PTPRT: variants seen among roughly 807,000 people sequenced by gnomAD.
PTPRT encodes the protein protein tyrosine phosphatase receptor type T.
PTPRT carries 56 observed loss-of-function variants against 176.8 expected under a neutral mutation model. That is an observed-to-expected ratio of 0.32 (90% CI 0.26 to 0.40). The LOEUF is 0.40. Ranked by LOEUF, PTPRT falls within the 10% of genes least tolerant of loss-of-function variation. The pLI is 1.00. For missense variants in PTPRT, 1,540 were observed against 1,908.2 expected (o/e 0.81, Z 3.60); for synonymous variants, 783 against 739.0 (o/e 1.06, Z -0.96).
At chr20:42,459,257 G>A (rs773615924) in intron 8 of PTPRT, among the ~76,000 whole-genome samples, 1 of 152,198 alleles carries the variant, frequency 6.6e-6, no homozygotes, top group South Asian at 2.1e-4. Context: ...TGAGGCACAA[G>A]TAGCAAGAGA....
the PTPRT span, among the ~76,000 whole-genome samples, chr20:42,048,663 C>A: frequency 1.3e-5 from 2 of 152,096 alleles, no homozygotes; most frequent in Non-Finnish European, 2.9e-5. Flanking sequence ...TGATTTTGGC[C>A]CCTAGCCATT....
intron 7 of PTPRT, among the ~76,000 whole-genome samples, chr20:42,539,387 C>T (rs1272676340): frequency 4.3e-5 from 6 of 139,364 alleles, no homozygotes; most frequent in Non-Finnish European, 6.1e-5. Context: ...TTGTGGTAAT[C>T]GCAGGGTTGG....
At chr20:42,342,517 A>G (rs1200142923) in intron 11 of PTPRT, among the ~76,000 whole-genome samples, 1 of 152,242 alleles carries the variant, frequency 6.6e-6, no homozygotes, top group Admixed American at 6.5e-5. Context: ...AACTAAGTGA[A>G]TAAATGAGGT....
chr20:42,239,425 T>C (rs1302503149), intron 14 of PTPRT, among the ~76,000 whole-genome samples: 1 of 136,202 alleles, frequency 7.3e-6, no homozygotes, highest in African/African-American at 2.7e-5. Context: ...TTTTTTTTTT[T>C]TTTTTTTTTT....
rs77005039 is a variant in PTPRT, at chr20:42,775,379, C to T, written c.569-3829G>A. ...CAGATGCTCTGTGGGCTCGGGGACA[C>T]GGCCCCACAAGATTGTGAGGGAGAA... On this transcript the variant is annotated intron_variant, in intron 4 of 30. Coordinates refer to ENST00000373187, the MANE Select transcript of PTPRT (RefSeq NM_007050.6). Among the ~76,000 whole-genome samples, 371 of 152,226 alleles carry T rather than the reference C, an allele frequency of 2.4e-3. 1 individual carries two copies. The highest frequency in any genetic ancestry group is 8.2e-3 in the African/African-American group (339 of 41,542).
intron 5 of PTPRT, among the ~76,000 whole-genome samples, chr20:42,770,119 G>T (rs2077041444): frequency 6.6e-6 from 1 of 152,220 alleles, no homozygotes; most frequent in African/African-American, 2.4e-5. Flanking sequence ...CCTCAATAAA[G>T]CTAGTTAGAA....
chr20:42,108,151 G>A (rs578217082), intron 23 of PTPRT, among the ~76,000 whole-genome samples: 28 of 152,114 alleles, frequency 1.8e-4, no homozygotes, highest in African/African-American at 5.1e-4. Context: ...ATCAATCAGC[G>A]GTGACCAAGT....
At chr20:42,603,076 G>A (rs568162063) in intron 7 of PTPRT, among the ~76,000 whole-genome samples, 3 of 152,266 alleles carry the variant, frequency 2.0e-5, no homozygotes, top group Admixed American at 6.5e-5. Context: ...CACATACCGT[G>A]CATTGCCTGG....
At chr20:43,127,316 G>A (rs1449502834) in intron 1 of PTPRT, among the ~76,000 whole-genome samples, 2 of 151,758 alleles carry the variant, frequency 1.3e-5, no homozygotes, top group Non-Finnish European at 2.9e-5. Flanking sequence ...CCAGCTACTC[G>A]GGAGGCTGAG....
chr20:42,805,868 C>T (rs539251057), intron 2 of PTPRT, among the ~76,000 whole-genome samples: 17 of 152,120 alleles, frequency 1.1e-4, no homozygotes, highest in East Asian at 5.8e-4. Flanking sequence ...TACTGTGGAC[C>T]GGTGCTTCTC....
chr20:42,128,555 T>C (rs1167891664), intron 19 of PTPRT, among the ~76,000 whole-genome samples, 199 bp downstream of exon 19: 1 of 152,114 alleles, frequency 6.6e-6, no homozygotes, highest in Non-Finnish European at 1.5e-5. Flanking sequence ...TGAGGCCCCA[T>C]AGAGCAGGCT....
intron 2 of PTPRT, among the ~76,000 whole-genome samples, chr20:42,821,674 C>G (rs1328281814): frequency 6.6e-6 from 1 of 152,124 alleles, no homozygotes; most frequent in Non-Finnish European, 1.5e-5. Context: ...ACCATCTCAG[C>G]CACAAAACTC....
At chr20:43,133,814 G>C (rs1442744809) in intron 1 of PTPRT, among the ~76,000 whole-genome samples, 1 of 151,934 alleles carries the variant, frequency 6.6e-6, no homozygotes, top group Non-Finnish European at 1.5e-5. Flanking sequence ...CAGTGTCAGA[G>C]GGTTTGCTAA....
chr20:42,180,382 A>T (rs1990467922), intron 16 of PTPRT, among the ~76,000 whole-genome samples: 1 of 152,148 alleles, frequency 6.6e-6, no homozygotes, highest in South Asian at 2.1e-4. Context: ...GTCAGATGTC[A>T]TCTTCTATAA....
At position 42,651,889 on chromosome 20, in the gene PTPRT, C is replaced by T. The variant is rs148435929; in HGVS notation, c.1153+25977G>A. On this transcript the variant is annotated intron_variant, in intron 7 of 30. Transcript: ENST00000373187. ...TGGTAAAACCCCATCTTTACTAAAA[C>T]TAAAAAAAATTAGCTGGGCTTGGTG... 9.9e-5 allele frequency among the ~76,000 whole-genome samples: 15 copies of T among 151,776 alleles called. No individual in the cohort carries two copies. In the East Asian group the frequency reaches 2.9e-3, roughly 29 times the overall value.
intron 6 of PTPRT, among the ~76,000 whole-genome samples, chr20:42,707,409 T>C (rs2076077212): frequency 6.6e-6 from 1 of 152,180 alleles, no homozygotes; most frequent in African/African-American, 2.4e-5. Context: ...GAGATTATTC[T>C]GAGTAGATCT....
intron 19 of PTPRT, among the ~76,000 whole-genome samples, chr20:42,123,756 C>G (rs746463253): frequency 2.0e-5 from 3 of 152,192 alleles, no homozygotes; most frequent in Non-Finnish European, 2.9e-5. Context: ...GTGGCTTGCT[C>G]TCTCGCTCCA....
chr20:42,711,543 C>T (rs757370321), intron 6 of PTPRT, among the ~76,000 whole-genome samples: 3 of 152,072 alleles, frequency 2.0e-5, no homozygotes, highest in Non-Finnish European at 4.4e-5. Flanking sequence ...CTCCTGAGGC[C>T]CTCACCAGAA....
intron 8 of PTPRT, among the ~76,000 whole-genome samples, chr20:42,469,035 G>A (rs954607202): frequency 2.0e-5 from 3 of 151,766 alleles, no homozygotes; most frequent in Middle Eastern, 3.2e-3. Flanking sequence ...GAGCTGGGAA[G>A]TTTCTCAACT....
Sources: gnomAD v4.1 joint callset for allele counts (sites outside exome capture counted in the v4.1 genomes callset) on GRCh38, gnomAD v4.1.1 for gene constraint, MANE v1.5 for transcripts, NCBI Gene and HGNC (gene_info 2026-07-23, HGNC 2026-07-21) for gene names.